Variants in EML5 observed in about 807,000 individuals in gnomAD.
EML5 encodes EMAP like 5.
In EML5, 120 loss-of-function variants were observed where a neutral mutation model predicts 250.0. That is an observed-to-expected ratio of 0.48 (90% CI 0.41 to 0.56). The LOEUF (loss-of-function observed/expected upper bound fraction) is 0.56, where lower values mean the gene tolerates loss of function less well. Ranked by LOEUF, EML5 falls within the 20% of genes least tolerant of loss-of-function variation. EML5 has a pLI of 0.00. For synonymous variants in EML5, 771 were observed against 806.5 expected (o/e 0.96, Z 0.75); for missense variants, 2,006 against 2,437.6 (o/e 0.82, Z 3.73).
chr14:88,688,597 A>G, intron 17 of EML5, 124 bp from the exon 18 acceptor site: 2 of 944,128 alleles, frequency 2.1e-6, no homozygotes, highest in Non-Finnish European at 3.2e-6. Flanking sequence ...AGTAAGGAGA[A>G]TTGAAAACTA....
intron 2 of EML5, among the ~76,000 whole-genome samples, chr14:88,752,609 C>G (rs1168564347): frequency 3.3e-5 from 5 of 152,062 alleles, no homozygotes; most frequent in Non-Finnish European, 7.4e-5. Context: ...CTAATATGAA[C>G]AGGAGGCAGG....
intron 21 of EML5, among the ~76,000 whole-genome samples, chr14:88,670,296 G>T (rs1178190779): frequency 2.0e-5 from 3 of 147,244 alleles, no homozygotes; most frequent in Non-Finnish European, 4.5e-5. Context: ...CTCCAGCCTG[G>T]GTGATAGAGC....
intron 10 of EML5, 54 bp from the exon 11 acceptor site, chr14:88,706,480 T>A: frequency 7.7e-7 from 1 of 1,299,276 alleles, no homozygotes; most frequent in Non-Finnish European, 1.0e-6. Context: ...CAAAATACCA[T>A]TTCAAACAAT....
At chr14:88,629,231 A>G (rs2140447781) in intron 33 of EML5, among the ~76,000 whole-genome samples, 1 of 152,240 alleles carries the variant, frequency 6.6e-6, no homozygotes, top group East Asian at 1.9e-4. Context: ...ATAGATTTTC[A>G]AGAAATATCA....
chr14:88,730,399 T>C lies in EML5; in HGVS notation c.1050-3721A>G, dbSNP rs190990392. Among the ~76,000 whole-genome samples the C allele has an allele frequency of 6.6e-5, 10 of 152,350 alleles. No individual in the cohort carries two copies. The East Asian group carries it at 7.7e-4, about 12-fold the overall frequency. The stretch of plus-strand genomic sequence containing the variant: ...GTAAGTTTCTGAGTGGTTGATTTGT[T>C]AGCCAAGCAAGGAAAGCTACTTATT... On this transcript the variant is annotated intron_variant, in intron 7 of 43. Coordinates refer to ENST00000554922, the MANE Select transcript of EML5 (RefSeq NM_183387.3).
intron 13 of EML5, 62 bp downstream of exon 13, chr14:88,704,798 T>G (rs1183808191): frequency 8.4e-7 from 1 of 1,196,948 alleles, no homozygotes; most frequent in East Asian, 2.3e-5. Context: ...TCATTAGAGA[T>G]GTTAAGCTAG....
rs1030292472 is a variant in EML5 at position 88,737,343 on chromosome 14, C to T, written c.848-778G>A. Among the ~76,000 whole-genome samples the T allele has an allele frequency of 2.6e-5, 4 of 152,338 alleles. No homozygotes were observed. In the East Asian group the frequency reaches 5.8e-4, roughly 22 times the overall value. ...TGCCACCACATTCCCTTCAACCAGA[C>T]GCCAACGCCCAAGGCAGAAGCAGGT... On this transcript the variant is annotated intron_variant, in intron 6 of 43. Coordinates refer to ENST00000554922, the MANE Select transcript of EML5 (RefSeq NM_183387.3).
rs762515831 is a variant in EML5, at chr14:88,740,528, G to A, written c.570C>T (p.Val190=). 1.9e-6 allele frequency: 3 copies of A among 1,613,178 alleles called. No individual in the cohort carries two copies. Among genetic ancestry groups the A allele is most frequent in the African/African-American group, 1.3e-5 (1 of 74,870 alleles). ...CGNALTPKRG[V]FGKTGDLQTI... is the part of the protein sequence containing the mutation. Reference sequence around the variant, plus strand: ...TCTGAAGGTCACCCGTCTTACCAAAGACACCTCGTTTTGGGGTCAGAGCAT... The same window carrying A: ...TCTGAAGGTCACCCGTCTTACCAAAAACACCTCGTTTTGGGGTCAGAGCAT... The change falls in exon 5 of 44, where the codon GTC becomes GTT. Residue 190 remains valine, a synonymous_variant. Transcript: ENST00000554922.
Position 88,621,243 on chromosome 14 carries a change from G to T in EML5, c.5072C>A (p.Ala1691Glu). ...AEIIEVGEKNAACNILVNGHV... is the reference protein window; with the variant it reads ...AEIIEVGEKNEACNILVNGHV... ...ACCGTTAACTAAAATATTACAAGCT[G>T]CATTTTTCTCTCCAACTTCGATTAT... Residue 1691 changes from alanine (A) to glutamate (E), a missense_variant, in exon 38 of 44, where the codon GCA becomes GAA. Ala to Glu is a moderately radical substitution (Grantham distance 107). This residue lies in a region of EML5 where 405 missense variants were observed against 523.3 expected (regional missense o/e 0.77). Coordinates refer to ENST00000554922, the MANE Select transcript of EML5 (RefSeq NM_183387.3). The T allele has an allele frequency of 6.2e-7, 1 of 1,613,848 alleles. No homozygotes were observed. The highest frequency in any genetic ancestry group is 8.5e-7 in the Non-Finnish European group (1 of 1,179,860).
intron 2 of EML5, among the ~76,000 whole-genome samples, chr14:88,750,112 A>C (rs2094069981): frequency 6.6e-6 from 1 of 152,164 alleles, no homozygotes; most frequent in African/African-American, 2.4e-5. Flanking sequence ...CAAAGTTTAA[A>C]ATATTTACTA....
At chr14:88,745,167 TTGTGTGTGTGTGTG>T (rs1555370057) in intron 3 of EML5, among the ~76,000 whole-genome samples, 1 of 145,190 alleles carries the variant, frequency 6.9e-6, no homozygotes, top group Non-Finnish European at 1.5e-5. Context: ...AATTGTGTGT[TTGTGTGTGTGTGTG>T]TGTGTGTGTG....
chr14:88,627,664 TG>T lies in EML5; in HGVS notation c.4512del (p.Ile1505PhefsTer38). On this transcript the variant is annotated frameshift_variant, in exon 34 of 44. Transcript: ENST00000554922. LOFTEE classifies it high-confidence loss of function. ...SVGLDPEHTITIWRWQEGAKI... is the reference protein window; with the variant it reads ...SVGLDPEHTIXIWRWQEGAKI... ...ATCCTACCTTCCTGCCATCTCCAAA[TG>T]GTAATAGTATGTTCTGGGTCTAGTC... 6.2e-7 allele frequency: 1 copy of T among 1,600,154 alleles called. No homozygotes were observed. Among genetic ancestry groups the T allele is most frequent in the Non-Finnish European group, 8.5e-7 (1 of 1,176,412 alleles).
intron 4 of EML5, among the ~76,000 whole-genome samples, chr14:88,742,455 A>G (rs2093938265): frequency 6.6e-6 from 1 of 152,194 alleles, no homozygotes; most frequent in South Asian, 2.1e-4. Flanking sequence ...TGCAAAGAGA[A>G]CTATGTTACT....
chr14:88,749,275 G>C (rs1012981623), intron 2 of EML5, among the ~76,000 whole-genome samples: 2 of 152,130 alleles, frequency 1.3e-5, no homozygotes, highest in African/African-American at 4.8e-5. Flanking sequence ...AGAAGACAAT[G>C]GACAAACAGT....
intron 28 of EML5, among the ~76,000 whole-genome samples, 165 bp downstream of exon 28, chr14:88,649,746 TC>T (rs1288181758): frequency 6.6e-6 from 1 of 152,194 alleles, no homozygotes; most frequent in Non-Finnish European, 1.5e-5. Context: ...ATATATGCTA[TC>T]TAAAAATGCA....
intron 19 of EML5, among the ~76,000 whole-genome samples, chr14:88,686,693 C>T (rs1186572740): frequency 6.6e-6 from 1 of 152,102 alleles, no homozygotes; most frequent in Non-Finnish European, 1.5e-5. Context: ...CGCCTTTAGT[C>T]CCAACTACTC....
At chr14:88,703,206 T>C (rs774052019) in intron 13 of EML5, among the ~76,000 whole-genome samples, 21 of 152,150 alleles carry the variant, frequency 1.4e-4, no homozygotes, top group Non-Finnish European at 2.8e-4. Context: ...AATATTAAAA[T>C]TGTATACTAT....
At position 88,615,335 on chromosome 14, in the gene EML5, G is replaced by A. The variant is rs1172807648; in HGVS notation, c.*483C>T. 1 of 152,442 alleles carries A rather than the reference G, an allele frequency of 6.6e-6. No individual in the cohort carries two copies. Among genetic ancestry groups the A allele is most frequent in the Non-Finnish European group, 1.5e-5 (1 of 68,210 alleles). 9.4% of individuals were successfully genotyped at this position (152,442 alleles called of 1,614,324 possible). On this transcript the variant is annotated 3_prime_UTR_variant, in exon 44 of 44. Coordinates refer to ENST00000554922, the MANE Select transcript of EML5 (RefSeq NM_183387.3). Reference sequence around the variant, plus strand: ...AAAATGTTTGCCTTTTAAAAACTGTGATCCTTTAGGATGATCATGACTTTC... The same window carrying A: ...AAAATGTTTGCCTTTTAAAAACTGTAATCCTTTAGGATGATCATGACTTTC...
At chr14:88,664,749 A>G (rs2092255338) in intron 22 of EML5, 125 bp from the exon 23 acceptor site, 2 of 907,634 alleles carry the variant, frequency 2.2e-6, no homozygotes, top group Non-Finnish European at 3.3e-6. Context: ...ATTATAATAA[A>G]ACAGATGTGT....
Sources: gnomAD v4.1 joint callset for allele counts (sites outside exome capture counted in the v4.1 genomes callset) on GRCh38, gnomAD v4.1.1 for gene constraint, gnomAD v4.1.1 regional missense constraint, MANE v1.5 for transcripts, NCBI Gene and HGNC (gene_info 2026-07-23, HGNC 2026-07-21) for gene names.